CTTNBP2: variants seen among roughly 807,000 people sequenced by gnomAD.
The protein encoded by CTTNBP2 is cortactin binding protein 2.
CTTNBP2 carries 108 observed loss-of-function variants against 156.9 expected under a neutral mutation model. That is an observed-to-expected ratio of 0.69 (90% CI 0.59 to 0.81). The LOEUF is 0.81. CTTNBP2 is among the 30% of genes least tolerant of loss of function. The probability of loss-of-function intolerance (pLI) is 0.00; values close to 1 mark genes in which losing one functional copy is unlikely to be tolerated. For synonymous variants in CTTNBP2, 767 were observed against 751.8 expected (o/e 1.02, Z -0.33); for missense variants, 1,924 against 2,035.4 (o/e 0.95, Z 1.05).
chr7:117,762,580 C>G (rs749449703), intron 9 of CTTNBP2, among the ~76,000 whole-genome samples: 3 of 152,226 alleles, frequency 2.0e-5, no homozygotes, highest in Non-Finnish European at 2.9e-5. Context: ...ATAATTGTCT[C>G]TCACCTGGAA....
intron 16 of CTTNBP2, among the ~76,000 whole-genome samples, chr7:117,731,296 A>G (rs1345569284): frequency 2.6e-5 from 4 of 152,402 alleles, no homozygotes; most frequent in Non-Finnish European, 4.4e-5. Context: ...TAAAGCTTAT[A>G]CAATTAACTT....
rs182022696 is a variant in CTTNBP2, at chr7:117,821,841, C to T, written c.190-10852G>A. On this transcript the variant is annotated intron_variant, in intron 2 of 22. Transcript: ENST00000160373. The stretch of plus-strand genomic sequence containing the variant: ...TCCTGACCTTGTGATCCACCCACCT[C>T]GGCCTCCCAAAGTGCTGGGATTACA... Among the ~76,000 whole-genome samples the T allele has an allele frequency of 5.0e-3, 764 of 152,202 alleles. 8 individuals are homozygous for T. The highest frequency in any genetic ancestry group is 0.017 in the African/African-American group (691 of 41,546).
chr7:117,801,179 A>G (rs952684400), intron 3 of CTTNBP2, among the ~76,000 whole-genome samples: 1 of 152,218 alleles, frequency 6.6e-6, no homozygotes, highest in African/African-American at 2.4e-5. Flanking sequence ...ATGGGGTTGA[A>G]AAATCATCAG....
chr7:117,802,092 A>G (rs1424568670), intron 3 of CTTNBP2, among the ~76,000 whole-genome samples: 1 of 124,928 alleles, frequency 8.0e-6, no homozygotes, highest in Non-Finnish European at 1.6e-5. Flanking sequence ...AGAGTGTGAT[A>G]TTCCCCTTCA....
chr7:117,736,485 G>A (rs949569703), intron 14 of CTTNBP2, among the ~76,000 whole-genome samples: 6 of 151,908 alleles, frequency 3.9e-5, no homozygotes, highest in African/African-American at 1.2e-4. Flanking sequence ...TAAGTAAATC[G>A]CTCTTTCCAT....
chr7:117,741,852 A>C (rs1796036528), intron 14 of CTTNBP2, among the ~76,000 whole-genome samples: 1 of 152,254 alleles, frequency 6.6e-6, no homozygotes, highest in Admixed American at 6.5e-5. Flanking sequence ...TTAAACTAAT[A>C]ATTCTCTTTT....
chr7:117,727,808 T>C (rs34543783), intron 17 of CTTNBP2, among the ~76,000 whole-genome samples: 6 of 152,348 alleles, frequency 3.9e-5, no homozygotes, highest in Admixed American at 3.9e-4. Context: ...AAACTTCTTA[T>C]GTGGTACCTC....
chr7:117,743,382 C>T (rs1366508163), intron 14 of CTTNBP2, among the ~76,000 whole-genome samples: 1 of 152,042 alleles, frequency 6.6e-6, no homozygotes, highest in African/African-American at 2.4e-5. Flanking sequence ...TTTTTAAAGC[C>T]AGTAGTGATT....
chr7:117,790,650 C>A (rs1230170079), intron 4 of CTTNBP2, among the ~76,000 whole-genome samples: 1 of 149,584 alleles, frequency 6.7e-6, no homozygotes, highest in Non-Finnish European at 1.5e-5. Flanking sequence ...TTAAAATATA[C>A]CAATTACGGA....
intron 3 of CTTNBP2, among the ~76,000 whole-genome samples, chr7:117,802,614 G>A (rs1395381805): frequency 2.0e-5 from 3 of 151,950 alleles, no homozygotes; most frequent in Admixed American, 6.6e-5. Flanking sequence ...TAAAAGATAA[G>A]AGAAAATATT....
intron 1 of CTTNBP2, among the ~76,000 whole-genome samples, chr7:117,866,204 A>G (rs992823333): frequency 6.6e-6 from 1 of 152,108 alleles, no homozygotes; most frequent in South Asian, 2.1e-4. Context: ...ACACAGGCCA[A>G]TACCAAGTTT....
At chr7:117,845,638 A>G (rs1213382441) in intron 2 of CTTNBP2, among the ~76,000 whole-genome samples, 1 of 152,246 alleles carries the variant, frequency 6.6e-6, no homozygotes, top group Non-Finnish European at 1.5e-5. Context: ...ACCAATGCTC[A>G]TTGAGATGAC....
At chr7:117,758,850 G>C (rs1446549450) in intron 10 of CTTNBP2, among the ~76,000 whole-genome samples, 1 of 152,190 alleles carries the variant, frequency 6.6e-6, no homozygotes, top group East Asian at 1.9e-4. Flanking sequence ...CATGAACACT[G>C]CAATAATCAA....
chr7:117,824,524 G>A (rs1801164437), intron 2 of CTTNBP2, among the ~76,000 whole-genome samples: 1 of 152,096 alleles, frequency 6.6e-6, no homozygotes, highest in Non-Finnish European at 1.5e-5. Context: ...TCCAATACAT[G>A]CTTTAATTCT....
At position 117,792,418 on chromosome 7, in the gene CTTNBP2, C is replaced by G; in HGVS notation, c.778G>C (p.Asp260His). The change falls in exon 4 of 23, where the codon GAC becomes CAC. Residue 260 changes from aspartate to histidine, a missense_variant. Transcript: ENST00000160373. The surrounding 1 kb of genome is among the most constrained non-coding windows in gnomAD (Gnocchi z 4.2). Reference protein sequence around the residue: ...AHTTDLKEEIDKMRKMIEQLK... With the variant: ...AHTTDLKEEIHKMRKMIEQLK... Reference sequence around the variant, plus strand: ...TGCTCAATCATTTTCCTCATCTTGTCTATCTCCTCTTTGAGGTCAGTGGTG... The same window carrying G: ...TGCTCAATCATTTTCCTCATCTTGTGTATCTCCTCTTTGAGGTCAGTGGTG... The G allele has an allele frequency of 6.2e-7, 1 of 1,614,202 alleles. No individual in the cohort carries two copies. Among genetic ancestry groups the G allele is most frequent in the Non-Finnish European group, 8.5e-7 (1 of 1,180,046 alleles).
At chr7:117,800,679 A>T (rs980320821) in intron 3 of CTTNBP2, among the ~76,000 whole-genome samples, 1 of 152,234 alleles carries the variant, frequency 6.6e-6, no homozygotes, top group East Asian at 1.9e-4. Context: ...GGAAAAAAGG[A>T]GTCATAAATA....
chr7:117,795,809 T>C (rs1249509109), intron 3 of CTTNBP2, among the ~76,000 whole-genome samples: 1 of 152,226 alleles, frequency 6.6e-6, no homozygotes, highest in Non-Finnish European at 1.5e-5. Context: ...AACTAATACA[T>C]GTCTTAATAA....
At position 117,735,087 on chromosome 7, in the gene CTTNBP2, G is replaced by T. The variant is rs780731601; in HGVS notation, c.3702C>A (p.Ser1234=). The T allele has an allele frequency of 1.2e-6, 2 of 1,612,978 alleles. No individual in the cohort carries two copies. Among genetic ancestry groups the T allele is most frequent in the Non-Finnish European group, 1.7e-6 (2 of 1,179,256 alleles). Residue 1234 remains serine, a synonymous_variant, in exon 16 of 23, where the codon TCC becomes TCA. Coordinates refer to ENST00000160373, the MANE Select transcript of CTTNBP2 (RefSeq NM_033427.3). ...PCTFQKGNGL[S]ECYYFHENCF... The stretch of plus-strand genomic sequence containing the variant: ...AGTTCTCATGAAAGTAATAACATTC[G>T]GACAGTCCATTTCCTGAAACAAACC...
At chr7:117,840,741 T>C (rs182892526) in intron 2 of CTTNBP2, among the ~76,000 whole-genome samples, 1 of 152,316 alleles carries the variant, frequency 6.6e-6, no homozygotes, top group Admixed American at 6.5e-5. Flanking sequence ...GGAAAAGCTA[T>C]GTTCTCCAGC....
Sources: allele counts gnomAD v4.1 joint callset (sites outside exome capture counted in the v4.1 genomes callset), GRCh38; gene constraint gnomAD v4.1.1; non-coding constraint Gnocchi (gnomAD v3.1); transcripts MANE v1.5; gene names NCBI Gene and HGNC (gene_info 2026-07-23, HGNC 2026-07-21).